ADAP2: variants seen among roughly 807,000 people sequenced by gnomAD.
ADAP2 encodes the protein arf-GAP with dual PH domain-containing protein 2.
Under a neutral mutation model 54.9 loss-of-function variants are expected in ADAP2, and 42 were observed. The ratio of observed to expected loss-of-function variants is 0.77; its 90% confidence interval spans 0.60 to 0.99. The LOEUF is 0.99. Among genes scored for constraint, ADAP2 ranks in the 50% least tolerant of loss-of-function variants. The probability of loss-of-function intolerance (pLI) is 0.00; values close to 1 mark genes in which losing one functional copy is unlikely to be tolerated. For synonymous variants in ADAP2, 177 were observed against 180.1 expected (o/e 0.98, Z 0.14); for missense variants, 429 against 480.4 (o/e 0.89, Z 1.00).
chr17:30,930,407 A>T (rs1183653653), intron 3 of ADAP2, among the ~76,000 whole-genome samples: 1 of 151,934 alleles, frequency 6.6e-6, no homozygotes, highest in Non-Finnish European at 1.5e-5. Flanking sequence ...AAAAAAGAGG[A>T]TTTTATGGGT....
At chr17:30,953,869 T>C (rs1476772820) in intron 8 of ADAP2, among the ~76,000 whole-genome samples, 2 of 138,662 alleles carry the variant, frequency 1.4e-5, no homozygotes, top group African/African-American at 7.1e-5. Flanking sequence ...CATTATGAGA[T>C]ATTTTTGCGA....
At chr17:30,929,288 C>T (rs1048858686) in intron 3 of ADAP2, among the ~76,000 whole-genome samples, 3 of 152,176 alleles carry the variant, frequency 2.0e-5, no homozygotes, top group South Asian at 2.1e-4. Flanking sequence ...ACATGCCACC[C>T]GACACACGGG....
In ADAP2 at chr17:30,945,071, G is replaced by T; in HGVS notation, c.657+18G>T. On this transcript the variant is annotated intron_variant, in intron 6 of 10. Transcript: ENST00000330889. ...GTGGGAAGGTGAGATGCCTGGAGTT[G>T]CCACCTCCGCCTCCAGCTCGCACCC... 1.2e-6 allele frequency: 2 copies of T among 1,612,198 alleles called. No homozygotes were observed. The highest frequency in any genetic ancestry group is 1.7e-6 in the Non-Finnish European group (2 of 1,179,186).
chr17:30,957,937 G>A lies in ADAP2; in HGVS notation c.*68G>A, dbSNP rs78287719. 1.1e-4 allele frequency: 157 copies of A among 1,483,046 alleles called. 1 individual carries two copies. The African/African-American group carries it at 2.0e-3, about 18-fold the overall frequency. The allele number at this position is 1,483,046 out of a possible 1,614,324, so 91.9% of individuals were successfully genotyped here. ...CCTTGTGGGAAGAAGTTTGCACCTC[G>A]GCCCTGGCTGCCCACCATCAGTGCC... is the stretch of plus-strand genomic sequence containing the variant. On this transcript the variant is annotated 3_prime_UTR_variant, in exon 11 of 11. Transcript: ENST00000330889.
chr17:30,922,381 G>A (rs1910688398), intron 1 of ADAP2, among the ~76,000 whole-genome samples: 1 of 152,168 alleles, frequency 6.6e-6, no homozygotes, highest in South Asian at 2.1e-4. Flanking sequence ...ACCCGGACAC[G>A]AGAGCCGGCA....
intron 8 of ADAP2, among the ~76,000 whole-genome samples, chr17:30,953,879 ATT>A (rs56829330): frequency 8.9e-5 from 13 of 146,506 alleles, no homozygotes; most frequent in African/African-American, 3.2e-4. Context: ...TATTTTTGCG[ATT>A]TTTTTTTTTT....
At position 30,931,927 on chromosome 17, in the gene ADAP2, G is replaced by A; in HGVS notation, c.356G>A (p.Arg119Lys). The A allele has an allele frequency of 6.2e-7, 1 of 1,614,026 alleles. No individual in the cohort carries two copies. The highest frequency in any genetic ancestry group is 8.5e-7 in the Non-Finnish European group (1 of 1,179,998). The change falls in exon 4 of 11, where the codon AGA becomes AAA. Residue 119 changes from arginine (R) to lysine (K), a missense_variant. Arg to Lys is a conservative substitution (Grantham distance 26). Transcript: ENST00000330889. ...CAATGGATTCGAGCTAAGTATGAGA[G>A]ACGGGAATTTATGGCTGATGGGGAA... ...KEQWIRAKYE[R>K]REFMADGETI...
At chr17:30,943,580 G>A (rs950653538) in intron 5 of ADAP2, among the ~76,000 whole-genome samples, 19 of 152,068 alleles carry the variant, frequency 1.2e-4, no homozygotes, top group East Asian at 5.8e-4. Flanking sequence ...TGGGCACAGT[G>A]GCTCATGCTT....
intron 5 of ADAP2, among the ~76,000 whole-genome samples, chr17:30,943,044 C>T (rs1046023842): frequency 2.0e-5 from 3 of 152,202 alleles, no homozygotes; most frequent in African/African-American, 7.2e-5. Context: ...AATCCCATTA[C>T]TGGGTATATA....
intron 5 of ADAP2, among the ~76,000 whole-genome samples, chr17:30,940,055 A>G (rs1427500781): frequency 2.6e-5 from 4 of 152,252 alleles, no homozygotes; most frequent in Non-Finnish European, 5.9e-5. Flanking sequence ...ACAACCTCCC[A>G]GGCTCAAGCG....
chr17:30,954,069 C>T (rs755584249), intron 8 of ADAP2, among the ~76,000 whole-genome samples: 9 of 152,142 alleles, frequency 5.9e-5, no homozygotes, highest in East Asian at 3.8e-4. Flanking sequence ...GCAGCCCCTC[C>T]GCCTGGTTCT....
chr17:30,952,478 G>A (rs967924099), intron 7 of ADAP2, among the ~76,000 whole-genome samples: 1 of 151,944 alleles, frequency 6.6e-6, no homozygotes, highest in South Asian at 2.1e-4. Flanking sequence ...CAAGTTCAAG[G>A]GATTCTCTTG....
chr17:30,958,410 C>T lies in ADAP2; in HGVS notation c.*541C>T, dbSNP rs1351728238. On this transcript the variant is annotated 3_prime_UTR_variant, in exon 11 of 11. Transcript: ENST00000330889. Reference sequence around the variant, plus strand: ...TGGGTGACAGAGCGAGACTCCGTATCAGAAAGAAAAAGAGGAACTGAATGA... The same window carrying T: ...TGGGTGACAGAGCGAGACTCCGTATTAGAAAGAAAAAGAGGAACTGAATGA... 6.6e-6 allele frequency: 1 copy of T among 152,576 alleles called. No homozygotes were observed. Among genetic ancestry groups the T allele is most frequent in the African/African-American group, 2.4e-5 (1 of 41,386 alleles). The allele number at this position is 152,576 out of a possible 1,614,324, so 9.5% of individuals were successfully genotyped here.
Position 30,956,399 on chromosome 17 carries a change from G to A in ADAP2, c.1041G>A (p.Lys347=). 1.9e-6 allele frequency: 3 copies of A among 1,614,218 alleles called. No individual in the cohort carries two copies. The highest frequency in any genetic ancestry group is 2.5e-6 in the Non-Finnish European group (3 of 1,180,042). ...TTGTCCTCACTTGCCCCAGTGAGAA[G>A]GAACAGCAGGAATGGCTGGAAAGTT... ...RRFVLTCPSE[K]EQQEWLESLR... The change falls in exon 10 of 11, where the codon AAG becomes AAA. Residue 347 remains lysine, a synonymous_variant. Transcript: ENST00000330889.
At chr17:30,932,083 G>A (rs1286428463) in intron 4 of ADAP2, 115 bp downstream of exon 4, 2 of 900,780 alleles carry the variant, frequency 2.2e-6, no homozygotes, top group Non-Finnish European at 3.4e-6. Flanking sequence ...TTCTCACTGT[G>A]GCCGCAGAGG....
intron 2 of ADAP2, among the ~76,000 whole-genome samples, chr17:30,924,609 C>G (rs1352021428): frequency 6.6e-6 from 1 of 152,210 alleles, no homozygotes; most frequent in Admixed American, 6.5e-5. Context: ...GTTTCCAGGA[C>G]TATTGGGGAA....
chr17:30,929,281 T>C (rs1478176138), intron 3 of ADAP2, among the ~76,000 whole-genome samples: 1 of 152,232 alleles, frequency 6.6e-6, no homozygotes, highest in African/African-American at 2.4e-5. Flanking sequence ...ACCTTTCACA[T>C]GCCACCCGAC....
chr17:30,924,988 T>C (rs1382529395), intron 2 of ADAP2, among the ~76,000 whole-genome samples: 3 of 151,542 alleles, frequency 2.0e-5, no homozygotes, highest in Non-Finnish European at 4.4e-5. Flanking sequence ...TTCTTGTGCC[T>C]CAGCCTTCTG....
At chr17:30,926,764 T>C in intron 2 of ADAP2, 63 bp from the exon 3 acceptor site, 1 of 1,443,664 alleles carries the variant, frequency 6.9e-7, no homozygotes, top group Non-Finnish European at 9.8e-7. Context: ...GTCAGTGGCC[T>C]CATAGTTTCA....
Sources: allele counts gnomAD v4.1 joint callset (sites outside exome capture counted in the v4.1 genomes callset), GRCh38; gene constraint gnomAD v4.1.1; transcripts MANE v1.5; gene names NCBI Gene and HGNC (gene_info 2026-07-23, HGNC 2026-07-21).